Variants in HFE observed in about 807,000 individuals in gnomAD.
HFE encodes the protein homeostatic iron regulator.
In HFE, 36 loss-of-function variants were observed where a neutral mutation model predicts 40.9. That is an observed-to-expected ratio of 0.88 (90% CI 0.67 to 1.16). The LOEUF is 1.16. Among genes scored for constraint, HFE ranks in the 50% most tolerant of loss-of-function variants. The probability of loss-of-function intolerance (pLI) is 0.00; values close to 1 mark genes in which losing one functional copy is unlikely to be tolerated. For synonymous variants in HFE, 157 were observed against 165.4 expected, an observed-to-expected ratio of 0.95 and a Z score of 0.39; for missense variants, 376 against 432.0, an observed-to-expected ratio of 0.87 and a Z score of 1.15.
Position 26,095,707 on chromosome 6 carries a change from G to C in HFE, c.*1481G>C, listed in dbSNP as rs1277612293. 1 of 152,170 alleles carries C rather than the reference G, an allele frequency of 6.6e-6. No homozygotes were observed. The highest frequency in any genetic ancestry group is 1.5e-5 in the Non-Finnish European group (1 of 68,044). The allele number at this position is 152,170 out of a possible 1,614,324, so 9.4% of individuals were successfully genotyped here. ...GTCTCATTGTGTTTCTTCTGAGTGAGCTTGAATCACATGAAGGGGAACAGC... is the reference window on the plus strand; with the variant it reads ...GTCTCATTGTGTTTCTTCTGAGTGACCTTGAATCACATGAAGGGGAACAGC... On this transcript the variant is annotated 3_prime_UTR_variant, in exon 6 of 6. Coordinates refer to ENST00000357618, the MANE Select transcript of HFE (RefSeq NM_000410.4).
chr6:26,090,132 A>G (rs1581664383), intron 1 of HFE, among the ~76,000 whole-genome samples: 1 of 152,152 alleles, frequency 6.6e-6, no homozygotes, highest in East Asian at 1.9e-4. Flanking sequence ...GAGGCCACAT[A>G]GGCAGTTCAG....
intron 3 of HFE, 40 bp downstream of exon 3, chr6:26,091,629 C>A: frequency 6.2e-7 from 1 of 1,606,112 alleles, no homozygotes; most frequent in Non-Finnish European, 8.5e-7. Flanking sequence ...ACTCTAGTGG[C>A]AGAGTGGAGG....
In HFE at chr6:26,090,814, G is replaced by A; in HGVS notation, c.77-27G>A. On this transcript the variant is annotated intron_variant, in intron 1 of 5. Transcript: ENST00000357618. ...ATCCTGCTCCCCTCCTACTACACAT[G>A]GTTAAGGCCTGTTGCTCTGTCTCCA... 2.5e-6 allele frequency: 4 copies of A among 1,612,246 alleles called. 1 individual carries two copies. Among genetic ancestry groups the A allele is most frequent in the Middle Eastern group, 2.0e-4 (1 of 5,064 alleles).
Position 26,096,456 on chromosome 6 carries a change from T to C in HFE, c.*2230T>C, listed in dbSNP as rs919745989. ...GCCGTCAAAAGAGTCTTAATATATA[T>C]ATCCAGATGGCATGTGTTTACTTTA... On this transcript the variant is annotated 3_prime_UTR_variant, in exon 6 of 6. Transcript: ENST00000357618. The C allele has an allele frequency of 6.6e-6, 3 of 456,148 alleles. No individual in the cohort carries two copies. The highest frequency in any genetic ancestry group is 1.3e-5 in the Non-Finnish European group (3 of 226,802). The allele number at this position is 456,148 out of a possible 1,614,324, so 28.3% of individuals were successfully genotyped here.
At position 26,097,494 on chromosome 6, in the gene HFE, C is replaced by T. The variant is rs1186172708; in HGVS notation, c.*3268C>T. The T allele has an allele frequency of 6.6e-6, 1 of 152,134 alleles. No individual in the cohort carries two copies. The highest frequency in any genetic ancestry group is 1.5e-5 in the Non-Finnish European group (1 of 68,040). The allele number at this position is 152,134 out of a possible 1,614,324, so 9.4% of individuals were successfully genotyped here. ...CTGGTGGCCATAGGTAAATGTACCA[C>T]GGTGGTCCGGTGACCAGAGATGCAG... is the stretch of plus-strand genomic sequence containing the variant. On this transcript the variant is annotated 3_prime_UTR_variant, in exon 6 of 6. Coordinates refer to ENST00000357618, the MANE Select transcript of HFE (RefSeq NM_000410.4).
At position 26,091,396 on chromosome 6, in the gene HFE, T is replaced by C. The variant is rs1762694329; in HGVS notation, c.423T>C (p.Asp141=). 2 of 1,613,986 alleles carry C rather than the reference T, an allele frequency of 1.2e-6. No individual in the cohort carries two copies. Among genetic ancestry groups the C allele is most frequent in the Admixed American group, 1.7e-5 (1 of 59,990 alleles). ...AGGGCTACTGGAAGTACGGGTATGA[T>C]GGGCAGGACCACCTTGAATTCTGCC... is the stretch of plus-strand genomic sequence containing the variant. ...STEGYWKYGY[D]GQDHLEFCPD... The change falls in exon 3 of 6, where the codon GAT becomes GAC. Residue 141 remains aspartate, a synonymous_variant. Coordinates refer to ENST00000357618, the MANE Select transcript of HFE (RefSeq NM_000410.4).
rs1762995371 is a variant in HFE at position 26,095,586 on chromosome 6, A to T, written c.*1360A>T. 1 of 152,238 alleles carries T rather than the reference A, an allele frequency of 6.6e-6. No individual in the cohort carries two copies. The highest frequency in any genetic ancestry group is 1.5e-5 in the Non-Finnish European group (1 of 68,046). 9.4% of individuals were successfully genotyped at this position (152,238 alleles called of 1,614,324 possible). A position where few individuals can be genotyped will look rare whatever the true frequency, so the allele number is the denominator to read the frequency against. ...AGTGATAGAAACAGGTTTCAAACTC[A>T]GTCAATCTGACCGTTTGATACATCT... On this transcript the variant is annotated 3_prime_UTR_variant, in exon 6 of 6. Transcript: ENST00000357618.
chr6:26,097,930 A>C lies in HFE; in HGVS notation c.*3704A>C, dbSNP rs1763100341. 1 of 152,206 alleles carries C rather than the reference A, an allele frequency of 6.6e-6. No homozygotes were observed. The highest frequency in any genetic ancestry group is 1.5e-5 in the Non-Finnish European group (1 of 68,028). 9.4% of individuals were successfully genotyped at this position (152,206 alleles called of 1,614,324 possible). ...TCAGTTTTAAACTAACTTTTTTTCA[A>C]ACCACAATCTGATTTAACAATGACT... On this transcript the variant is annotated 3_prime_UTR_variant, in exon 6 of 6. Transcript: ENST00000357618.
rs1371568304 is a variant in HFE at position 26,095,026 on chromosome 6, T to G, written c.*800T>G. The G allele has an allele frequency of 1.3e-5, 2 of 155,650 alleles. No homozygotes were observed. Among genetic ancestry groups the G allele is most frequent in the Non-Finnish European group, 2.9e-5 (2 of 70,174 alleles). 9.6% of individuals were successfully genotyped at this position (155,650 alleles called of 1,614,324 possible). ...CCAGACCTGAAGAATCACAATAATT[T>G]TCTACCTGGTCTCTCCTTGTTCTGA... is the stretch of plus-strand genomic sequence containing the variant. On this transcript the variant is annotated 3_prime_UTR_variant, in exon 6 of 6. Coordinates refer to ENST00000357618, the MANE Select transcript of HFE (RefSeq NM_000410.4).
chr6:26,094,389 G>T lies in HFE; in HGVS notation c.*163G>T. On this transcript the variant is annotated 3_prime_UTR_variant, in exon 6 of 6. Transcript: ENST00000357618. ...CCTTCTCTGTTCATTTCCTCAAAAA[G>T]ATTTCCCCATTTAGGTTTCTGAGTT... The T allele has an allele frequency of 1.3e-6, 1 of 744,408 alleles. No homozygotes were observed. Among genetic ancestry groups the T allele is most frequent in the South Asian group, 1.5e-5 (1 of 68,440 alleles). 46.1% of individuals were successfully genotyped at this position (744,408 alleles called of 1,614,324 possible).
chr6:26,094,707 C>T lies in HFE; in HGVS notation c.*481C>T, dbSNP rs962072304. 2.0e-6 allele frequency: 1 copy of T among 500,126 alleles called. No individual in the cohort carries two copies. The highest frequency in any genetic ancestry group is 3.3e-5 in the Admixed American group (1 of 30,162). 31.0% of individuals were successfully genotyped at this position (500,126 alleles called of 1,614,324 possible). On this transcript the variant is annotated 3_prime_UTR_variant, in exon 6 of 6. Coordinates refer to ENST00000357618, the MANE Select transcript of HFE (RefSeq NM_000410.4). ...ACCCGTTCAACTTTTCCTTTGAATCCTCTCTCTGTGTTACCCAGTAACTCA... is the reference window on the plus strand; with the variant it reads ...ACCCGTTCAACTTTTCCTTTGAATCTTCTCTCTGTGTTACCCAGTAACTCA...
At chr6:26,094,103 A>G (rs1581674659) in intron 5 of HFE, 83 bp from the exon 6 acceptor site, 1 of 1,305,656 alleles carries the variant, frequency 7.7e-7, no homozygotes, top group Non-Finnish European at 1.1e-6. Flanking sequence ...GAGATGGGTG[A>G]ATGAGGAAAA....
In HFE at chr6:26,094,198, G is replaced by C. The variant is rs368122334; in HGVS notation, c.1019G>C (p.Gly340Ala). 1.7e-5 allele frequency: 27 copies of C among 1,613,876 alleles called. No individual in the cohort carries two copies. In the African/African-American group the frequency reaches 3.5e-4, roughly 21 times the overall value. Residue 340 changes from glycine to alanine, a missense_variant, in exon 6 of 6, where the codon GGG becomes GCG. Coordinates refer to ENST00000357618, the MANE Select transcript of HFE (RefSeq NM_000410.4). Reference sequence around the variant, plus strand: ...CTTGTCTCCACAGGAGGAGCCATGGGGCACTACGTCTTAGCTGAACGTGAG... The same window carrying C: ...CTTGTCTCCACAGGAGGAGCCATGGCGCACTACGTCTTAGCTGAACGTGAG... ...RKRQGSRGAMGHYVLAERE is the reference protein window; with the variant it reads ...RKRQGSRGAMAHYVLAERE
rs1461186320 is a variant in HFE at position 26,096,480 on chromosome 6, T to G, written c.*2254T>G. 2.2e-6 allele frequency: 1 copy of G among 456,312 alleles called. No homozygotes were observed. The highest frequency in any genetic ancestry group is 2.0e-5 in the African/African-American group (1 of 50,076). The allele number at this position is 456,312 out of a possible 1,614,324, so 28.3% of individuals were successfully genotyped here. A position where few individuals can be genotyped will look rare whatever the true frequency, so the allele number is the denominator to read the frequency against. The stretch of plus-strand genomic sequence containing the variant: ...ATATCCAGATGGCATGTGTTTACTT[T>G]ATGTTACTACATGCACTTGGCTGCA... On this transcript the variant is annotated 3_prime_UTR_variant, in exon 6 of 6. Transcript: ENST00000357618.
chr6:26,087,702 G>C (rs997225495), intron 1 of HFE, among the ~76,000 whole-genome samples, 186 bp downstream of exon 1: 1 of 152,130 alleles, frequency 6.6e-6, no homozygotes, highest in Non-Finnish European at 1.5e-5. Context: ...CTGCAGATAG[G>C]GGTCCCTCGC....
chr6:26,088,390 A>G (rs1195845062), intron 1 of HFE, among the ~76,000 whole-genome samples: 1 of 152,226 alleles, frequency 6.6e-6, no homozygotes, highest in Non-Finnish European at 1.5e-5. Context: ...TTATTTTACT[A>G]GAAGTTAACT....
chr6:26,087,464 G>C lies in HFE; in HGVS notation c.24G>C (p.Ala8=). 10 of 1,614,086 alleles carry C rather than the reference G, an allele frequency of 6.2e-6. No individual in the cohort carries two copies. Among genetic ancestry groups the C allele is most frequent in the Non-Finnish European group, 8.5e-6 (10 of 1,179,982 alleles). The part of the protein sequence containing the change: MGPRARP[A]LLLLMLLQTA... ...AAATGGGCCCGCGAGCCAGGCCGGC[G>C]CTTCTCCTCCTGATGCTTTTGCAGA... The change falls in exon 1 of 6, where the codon GCG becomes GCC. Residue 8 remains alanine (A), a synonymous_variant. Transcript: ENST00000357618.
chr6:26,095,217 C>T lies in HFE; in HGVS notation c.*991C>T, dbSNP rs148307737. The T allele has an allele frequency of 9.5e-3, 1,450 of 152,366 alleles. 17 individuals carry two copies. The highest frequency in any genetic ancestry group is 0.013 in the Non-Finnish European group (907 of 68,086). 9.4% of individuals were successfully genotyped at this position (152,366 alleles called of 1,614,324 possible). On this transcript the variant is annotated 3_prime_UTR_variant, in exon 6 of 6. Coordinates refer to ENST00000357618, the MANE Select transcript of HFE (RefSeq NM_000410.4). ...TGAAGAAAGTGAAGTAGGCCGGGCA[C>T]GGTGGCTCACGCCTGTAATCCCAGC...
In HFE at chr6:26,090,894, C is replaced by G; in HGVS notation, c.130C>G (p.Leu44Val). 6.2e-7 allele frequency: 1 copy of G among 1,614,186 alleles called. No individual in the cohort carries two copies. Among genetic ancestry groups the G allele is most frequent in the South Asian group, 1.1e-5 (1 of 91,080 alleles). The change falls in exon 2 of 6, where the codon CTT becomes GTT. Residue 44 changes from leucine to valine, a missense_variant. Physicochemically the swap from Leu to Val is conservative, Grantham distance 32. Coordinates refer to ENST00000357618, the MANE Select transcript of HFE (RefSeq NM_000410.4). Reference sequence around the variant, plus strand: ...GGGTGCCTCAGAGCAGGACCTTGGTCTTTCCTTGTTTGAAGCTTTGGGCTA... The same window carrying G: ...GGGTGCCTCAGAGCAGGACCTTGGTGTTTCCTTGTTTGAAGCTTTGGGCTA... ...FMGASEQDLG[L>V]SLFEALGYVD...
Sources: gnomAD v4.1 joint callset for allele counts (sites outside exome capture counted in the v4.1 genomes callset) on GRCh38, gnomAD v4.1.1 for gene constraint, MANE v1.5 for transcripts, NCBI Gene and HGNC (gene_info 2026-07-23, HGNC 2026-07-21) for gene names.